Variants in EXOC6 observed in about 807,000 individuals in gnomAD.
EXOC6 encodes exocyst complex component 6, also known as SEC15-like 1.
In EXOC6, 60 loss-of-function variants were observed where a neutral mutation model predicts 112.5. The ratio of observed to expected loss-of-function variants is 0.53; its 90% CI spans 0.43 to 0.66. The LOEUF is 0.66. Among genes scored for constraint, EXOC6 ranks in the 30% least tolerant of loss-of-function variants. EXOC6 has a pLI of 0.00. For synonymous variants in EXOC6, 295 were observed against 308.0 expected, an observed-to-expected ratio of 0.96 and a Z score of 0.44; for missense variants, 855 against 957.1, an observed-to-expected ratio of 0.89 and a Z score of 1.41.
intron 2 of EXOC6, among the ~76,000 whole-genome samples, chr10:92,894,215 A>T (rs1302795156): frequency 6.6e-6 from 1 of 152,176 alleles, no homozygotes; most frequent in Non-Finnish European, 1.5e-5. Context: ...TTTGTTCAGA[A>T]ATTAATGAGA....
In EXOC6 at chr10:92,998,665, C is replaced by CAA. The variant is rs397709788; in HGVS notation, c.2095+1050_2095+1051insAA. ...ACACACACACACACACACACACACA[C>CAA]TCCAAAGTTTCTAAAAACCTACCCA... On this transcript the variant is annotated intron_variant, in intron 19 of 21. Transcript: ENST00000260762. Among the ~76,000 whole-genome samples, 466 of 148,578 alleles carry CAA rather than the reference C, an allele frequency of 3.1e-3. 5 individuals are homozygous for CAA. The highest frequency in any genetic ancestry group is 0.011 in the African/African-American group (446 of 39,744).
chr10:92,872,288 G>C (rs540552990), intron 1 of EXOC6, among the ~76,000 whole-genome samples: 1 of 151,960 alleles, frequency 6.6e-6, no homozygotes, highest in African/African-American at 2.4e-5. Context: ...AACTTTCCAA[G>C]TATGGAGAGT....
At chr10:92,960,664 A>G (rs1376741407) in intron 17 of EXOC6, among the ~76,000 whole-genome samples, 1 of 151,338 alleles carries the variant, frequency 6.6e-6, no homozygotes, top group Non-Finnish European at 1.5e-5. Flanking sequence ...AGCACCGTAG[A>G]AGCCTTCCTC....
chr10:92,968,278 G>A (rs1393268760), intron 17 of EXOC6, among the ~76,000 whole-genome samples: 3 of 150,898 alleles, frequency 2.0e-5, no homozygotes, highest in African/African-American at 7.3e-5. Flanking sequence ...TCAAACTCCT[G>A]AGCTCAAGCG....
chr10:93,038,065 A>AAAAAAAAT lies in EXOC6; in HGVS notation c.2170-18858_2170-18857insAAAAAATA, dbSNP rs1316311788. Among the ~76,000 whole-genome samples the AAAAAAAAT allele has an allele frequency of 1.6e-5, 2 of 126,108 alleles. 1 individual carries two copies. 82.7% of individuals were successfully genotyped at this position (126,108 alleles called of 152,430 possible). On this transcript the variant is annotated intron_variant, in intron 20 of 21. Transcript: ENST00000260762. Reference sequence around the variant, plus strand: ...CAAAAAAAAAAAAAAAAAAAAAAAAAATTTTTCTCTAATAAATTTTTTTTG... The same window carrying AAAAAAAAT: ...CAAAAAAAAAAAAAAAAAAAAAAAAAAAAAAAATATTTTTCTCTAATAAATTTTTTTTG...
At chr10:92,834,396 A>G (rs1445321813), upstream of EXOC6, among the ~76,000 whole-genome samples, 2 of 152,230 alleles carry the variant, frequency 1.3e-5, no homozygotes, top group African/African-American at 2.4e-5. Flanking sequence ...ATAAATTTGT[A>G]TAGTGTAATG....
intron 8 of EXOC6, 141 bp downstream of exon 8, chr10:92,920,191 AC>A (rs1190107810): frequency 1.4e-5 from 7 of 494,838 alleles, no homozygotes; most frequent in South Asian, 4.4e-5. Flanking sequence ...TAAGGCACTT[AC>A]ATTTTTTGTT....
intron 17 of EXOC6, among the ~76,000 whole-genome samples, chr10:92,971,201 G>T (rs1842280581): frequency 6.7e-6 from 1 of 150,120 alleles, no homozygotes; most frequent in African/African-American, 2.5e-5. Flanking sequence ...ACAGGCGCAG[G>T]CCTGGCTAAT....
At chr10:92,905,008 T>G (rs1211430181) in intron 5 of EXOC6, among the ~76,000 whole-genome samples, 2 of 152,098 alleles carry the variant, frequency 1.3e-5, no homozygotes, top group Non-Finnish European at 2.9e-5. Flanking sequence ...TTTATTCACT[T>G]TTTTGCATGT....
chr10:92,997,412 C>G, intron 18 of EXOC6, 62 bp from the exon 19 acceptor site: 4 of 1,469,996 alleles, frequency 2.7e-6, no homozygotes, highest in Non-Finnish European at 3.7e-6. Flanking sequence ...TTTTCTGATT[C>G]TTTATGATGT....
At chr10:92,931,469 AATG>A (rs1231666438) in intron 9 of EXOC6, among the ~76,000 whole-genome samples, 1 of 151,798 alleles carries the variant, frequency 6.6e-6, no homozygotes, top group African/African-American at 2.4e-5. Context: ...TATAATGTGT[AATG>A]ATCAAATCAG....
At chr10:92,872,082 C>G (rs929646051) in intron 1 of EXOC6, among the ~76,000 whole-genome samples, 1 of 151,548 alleles carries the variant, frequency 6.6e-6, no homozygotes, top group African/African-American at 2.4e-5. Context: ...TTCTTTTATT[C>G]TTTTCCTAGC....
chr10:93,010,871 T>C (rs1844207464), intron 19 of EXOC6, among the ~76,000 whole-genome samples: 1 of 152,142 alleles, frequency 6.6e-6, no homozygotes, highest in Admixed American at 6.6e-5. Context: ...AGATGGTGTG[T>C]GAGAAAGTGC....
At chr10:92,902,320 T>C (rs1221515458) in intron 5 of EXOC6, among the ~76,000 whole-genome samples, 1 of 152,122 alleles carries the variant, frequency 6.6e-6, no homozygotes, top group Non-Finnish European at 1.5e-5. Flanking sequence ...TCTTTCTGTT[T>C]TCTTATTTCT....
rs149443870 is a variant in EXOC6, at chr10:92,872,344, A to G, written c.102-21005A>G. Among the ~76,000 whole-genome samples the G allele has an allele frequency of 5.3e-5, 8 of 152,046 alleles. No homozygotes were observed. In the East Asian group the frequency reaches 1.2e-3, roughly 22 times the overall value. On this transcript the variant is annotated intron_variant, in intron 1 of 21. Transcript: ENST00000260762. ...TGCTACTAATTTCTACTTTTATTAC[A>G]TTATAGTTAGATCAATCTGTTTTTA...
intron 17 of EXOC6, among the ~76,000 whole-genome samples, chr10:92,965,798 G>C (rs972321117): frequency 5.3e-5 from 8 of 152,102 alleles, no homozygotes; most frequent in Non-Finnish European, 1.0e-4. Flanking sequence ...CAGCTATAAA[G>C]ATCAGACACA....
intron 20 of EXOC6, among the ~76,000 whole-genome samples, chr10:93,018,198 TA>T (rs1202378577): frequency 1.3e-5 from 2 of 151,328 alleles, no homozygotes; most frequent in East Asian, 3.9e-4. Flanking sequence ...AAACCAGTTA[TA>T]AAAAAAAGGG....
chr10:93,042,211 C>G (rs1845811129), intron 20 of EXOC6, among the ~76,000 whole-genome samples: 1 of 152,216 alleles, frequency 6.6e-6, no homozygotes, highest in Non-Finnish European at 1.5e-5. Flanking sequence ...TTTCCTCACA[C>G]TGTTCCATCT....
intron 19 of EXOC6, among the ~76,000 whole-genome samples, chr10:93,000,121 GA>G (rs1307917455): frequency 1.3e-5 from 2 of 152,176 alleles, no homozygotes; most frequent in Admixed American, 6.5e-5. Flanking sequence ...GGGGGACTTG[GA>G]ACATATCCCC....
Sources: gnomAD v4.1 joint callset for allele counts (sites outside exome capture counted in the v4.1 genomes callset) on GRCh38, gnomAD v4.1.1 for gene constraint, MANE v1.5 for transcripts, NCBI Gene and HGNC (gene_info 2026-07-23, HGNC 2026-07-21) for gene names.